Variants in FAT4 observed in about 807,000 individuals in gnomAD.
FAT4 encodes protocadherin Fat 4.
In FAT4, 84 loss-of-function variants were observed where a neutral mutation model predicts 303.9. The ratio of observed to expected loss-of-function variants is 0.28; its 90% confidence interval spans 0.23 to 0.33. FAT4 has a LOEUF of 0.33. FAT4 is among the 10% of genes least tolerant of loss of function. The pLI is 1.00. For missense variants in FAT4, 6,005 were observed against 6,146.8 expected (o/e 0.98, Z 0.77); for synonymous variants, 2,307 against 2,298.8 (o/e 1.00, Z -0.10).
chr4:125,474,715 A>G (rs1365471122), intron 12 of FAT4, among the ~76,000 whole-genome samples: 1 of 152,030 alleles, frequency 6.6e-6, no homozygotes, highest in Non-Finnish European at 1.5e-5. Context: ...CTTCAGATAA[A>G]TTTTTACAAG....
chr4:125,338,260 C>T (rs1258342675), intron 2 of FAT4, among the ~76,000 whole-genome samples: 2 of 152,024 alleles, frequency 1.3e-5, no homozygotes, highest in African/African-American at 4.8e-5. Flanking sequence ...TGCCATTTGC[C>T]TGGATGTATA....
At chr4:125,487,787 C>G (rs1012119399) in intron 17 of FAT4, among the ~76,000 whole-genome samples, 181 bp downstream of exon 17, 9 of 152,194 alleles carry the variant, frequency 5.9e-5, no homozygotes, top group African/African-American at 2.2e-4. Flanking sequence ...TATAAATATC[C>G]TAAGAATGTC....
At chr4:125,337,989 A>G (rs1457663728) in intron 2 of FAT4, among the ~76,000 whole-genome samples, 1 of 152,174 alleles carries the variant, frequency 6.6e-6, no homozygotes, top group East Asian at 1.9e-4. Context: ...CTCACCCAAA[A>G]TAAGTATCCA....
chr4:125,417,513 A>G (rs1735122442), intron 7 of FAT4, among the ~76,000 whole-genome samples: 1 of 152,114 alleles, frequency 6.6e-6, no homozygotes, highest in African/African-American at 2.4e-5. Context: ...CAGAAGTCTA[A>G]CCCTAATTTC....
intron 2 of FAT4, among the ~76,000 whole-genome samples, chr4:125,325,686 G>T (rs924228918): frequency 6.6e-6 from 1 of 152,180 alleles, no homozygotes; most frequent in South Asian, 2.1e-4. Context: ...TCAAAGTTGA[G>T]TCTAGATTTG....
chr4:125,406,736 C>A, intron 3 of FAT4, 144 bp from the exon 4 acceptor site: 1 of 789,318 alleles, frequency 1.3e-6, no homozygotes, highest in Non-Finnish European at 2.0e-6. Flanking sequence ...GTAAGTTTAT[C>A]TCTCATTACC....
Position 125,320,566 on chromosome 4 carries a change from G to A in FAT4, c.4155G>A (p.Leu1385=). The A allele has an allele frequency of 6.2e-7, 1 of 1,613,892 alleles. No homozygotes were observed. The highest frequency in any genetic ancestry group is 8.5e-7 in the Non-Finnish European group (1 of 1,179,826). Residue 1385 remains leucine, a synonymous_variant, in exon 2 of 18, where the codon TTG becomes TTA. Coordinates refer to ENST00000394329, the MANE Select transcript of FAT4 (RefSeq NM_001291303.3). ...AKKLDFETQS[L]YKLNITAKDQ... is the part of the protein sequence containing the mutation. ...AACTGGACTTTGAAACACAGTCTTT[G>A]TATAAATTAAATATAACAGCAAAAG...
In FAT4 at chr4:125,491,779, C is replaced by G; in HGVS notation, c.*11C>G. The G allele has an allele frequency of 6.3e-7, 1 of 1,583,552 alleles. No homozygotes were observed. The highest frequency in any genetic ancestry group is 8.6e-7 in the Non-Finnish European group (1 of 1,167,458). On this transcript the variant is annotated 3_prime_UTR_variant, in exon 18 of 18. Transcript: ENST00000394329. ...GAACAGTATGTGTGAAGTTTATGTACTGGCACTATAAAATATAAAAACAAG... is the reference window on the plus strand; with the variant it reads ...GAACAGTATGTGTGAAGTTTATGTAGTGGCACTATAAAATATAAAAACAAG...
intron 2 of FAT4, among the ~76,000 whole-genome samples, chr4:125,378,689 G>A (rs547954197): frequency 6.6e-6 from 1 of 152,154 alleles, no homozygotes; most frequent in South Asian, 2.1e-4. Context: ...TTCTCAAATA[G>A]ATGTAAGCAT....
chr4:125,446,631 A>G lies in FAT4; in HGVS notation c.7450+88A>G, dbSNP rs551058031. The G allele has an allele frequency of 1.3e-5, 16 of 1,273,408 alleles. No individual in the cohort carries two copies. The East Asian group carries it at 2.3e-4, about 19-fold the overall frequency. The allele number at this position is 1,273,408 out of a possible 1,614,324, so 78.9% of individuals were successfully genotyped here. A position where few individuals can be genotyped will look rare whatever the true frequency, so the allele number is the denominator to read the frequency against. On this transcript the variant is annotated intron_variant, in intron 9 of 17. Coordinates refer to ENST00000394329, the MANE Select transcript of FAT4 (RefSeq NM_001291303.3). ...AAAATATTTATGATATTTTACATAC[A>G]TATTTCTGATATAGCCTAATTTTGC...
intron 2 of FAT4, among the ~76,000 whole-genome samples, chr4:125,331,988 A>G (rs1160828924): frequency 6.6e-6 from 1 of 152,116 alleles, no homozygotes; most frequent in Non-Finnish European, 1.5e-5. Flanking sequence ...CCTCATTTGT[A>G]AAATGGTAAG....
Position 125,317,499 on chromosome 4 carries a change from G to C in FAT4, c.1088G>C (p.Arg363Pro). 6.2e-7 allele frequency: 1 copy of C among 1,613,764 alleles called. No individual in the cohort carries two copies. The highest frequency in any genetic ancestry group is 1.3e-5 in the African/African-American group (1 of 75,054). The change falls in exon 2 of 18, where the codon CGC becomes CCC. Residue 363 changes from arginine to proline, a missense_variant. Arg to Pro is a moderately radical substitution (Grantham distance 103). Coordinates refer to ENST00000394329, the MANE Select transcript of FAT4 (RefSeq NM_001291303.3). The surrounding 1 kb of genome is among the most constrained non-coding windows in gnomAD (Gnocchi z 7.0). ...VKFRYFPATS[R>P]YASVDENAQV... is the part of the protein sequence containing the mutation. ...TTCCGCTACTTCCCGGCCACCTCGC[G>C]CTACGCCTCGGTAGATGAGAATGCT...
chr4:125,438,492 TG>T (rs1022262079), intron 8 of FAT4, among the ~76,000 whole-genome samples: 6 of 152,274 alleles, frequency 3.9e-5, no homozygotes, highest in Admixed American at 3.9e-4. Flanking sequence ...TCTTTTAACA[TG>T]AGAATTAACA....
At position 125,320,341 on chromosome 4, in the gene FAT4, C is replaced by A. The variant is rs755765418; in HGVS notation, c.3930C>A (p.Asp1310Glu). The change falls in exon 2 of 18, where the codon GAC becomes GAA. Residue 1310 changes from aspartate (D) to glutamate (E), a missense_variant. Transcript: ENST00000394329. ...TLNIDILDENDNTPSFPKSTL... is the reference protein window; with the variant it reads ...TLNIDILDENENTPSFPKSTL... ...ATATTGATATTTTAGATGAAAATGA[C>A]AATACCCCTTCTTTCCCTAAATCAA... 5.0e-5 allele frequency: 80 copies of A among 1,613,590 alleles called. No homozygotes were observed. The highest frequency in any genetic ancestry group is 1.0e-4 in the Admixed American group (6 of 59,992).
intron 2 of FAT4, among the ~76,000 whole-genome samples, chr4:125,348,666 A>G (rs958211223): frequency 6.6e-6 from 1 of 151,686 alleles, no homozygotes; most frequent in Admixed American, 6.6e-5. Flanking sequence ...TAAATAGTCA[A>G]ACTTGGAGCA....
At chr4:125,351,203 T>G (rs903331240) in intron 2 of FAT4, among the ~76,000 whole-genome samples, 5 of 151,766 alleles carry the variant, frequency 3.3e-5, no homozygotes, top group African/African-American at 1.2e-4. Flanking sequence ...ATTTTCTAAT[T>G]TTAGGATTAA....
chr4:125,340,539 A>C (rs1341482720), intron 2 of FAT4, among the ~76,000 whole-genome samples: 3 of 152,146 alleles, frequency 2.0e-5, no homozygotes, highest in African/African-American at 7.2e-5. Flanking sequence ...GGCGCCCGCC[A>C]CCACGCCCGG....
At chr4:125,401,177 C>G (rs983831885) in intron 3 of FAT4, among the ~76,000 whole-genome samples, 1 of 151,942 alleles carries the variant, frequency 6.6e-6, no homozygotes, top group Admixed American at 6.6e-5. Context: ...AATTTAATAA[C>G]GTTTTAATAA....
intron 12 of FAT4, among the ~76,000 whole-genome samples, chr4:125,470,566 C>T (rs578208214): frequency 6.6e-6 from 1 of 152,158 alleles, no homozygotes; most frequent in Non-Finnish European, 1.5e-5. Flanking sequence ...TTTGCTTTGT[C>T]CTACTACCTT....
Sources: gnomAD v4.1 joint callset for allele counts (sites outside exome capture counted in the v4.1 genomes callset) on GRCh38, gnomAD v4.1.1 for gene constraint, Gnocchi (gnomAD v3.1) non-coding constraint, MANE v1.5 for transcripts, NCBI Gene and HGNC (gene_info 2026-07-23, HGNC 2026-07-21) for gene names.